Variants in OLA1 observed in about 807,000 individuals in gnomAD.
OLA1 encodes the protein obg-like ATPase 1.
In OLA1, 14 loss-of-function variants were observed where a neutral mutation model predicts 48.4. The observed-to-expected ratio is 0.29, with a 90% confidence interval of 0.19 to 0.45. OLA1 has a LOEUF of 0.45. Among genes scored for constraint, OLA1 ranks in the 20% least tolerant of loss-of-function variants. OLA1 has a pLI of 1.00. For synonymous variants in OLA1, 127 were observed against 150.4 expected (o/e 0.84, Z 1.14); for missense variants, 325 against 467.1 (o/e 0.70, Z 2.80).
At chr2:174,188,640 A>G (rs1687709484) in intron 4 of OLA1, among the ~76,000 whole-genome samples, 1 of 152,192 alleles carries the variant, frequency 6.6e-6, no homozygotes, top group Admixed American at 6.5e-5. Context: ...TTAAATTCAG[A>G]GTCAGGAAGG....
At chr2:174,198,346 G>A (rs1687924032) in intron 4 of OLA1, among the ~76,000 whole-genome samples, 1 of 152,200 alleles carries the variant, frequency 6.6e-6, no homozygotes, top group African/African-American at 2.4e-5. Context: ...GCACTTGTAG[G>A]AACTGAAGAA....
intron 1 of OLA1, 35 bp from the exon 2 acceptor site, chr2:174,246,850 T>C (rs759582875): frequency 1.5e-6 from 2 of 1,338,176 alleles, no homozygotes; most frequent in East Asian, 4.6e-5. Context: ...AACAAAACTT[T>C]TTACTATCCA....
chr2:174,135,689 C>T (rs367776830), intron 5 of OLA1, among the ~76,000 whole-genome samples: 17 of 152,198 alleles, frequency 1.1e-4, no homozygotes, highest in East Asian at 5.8e-4. Context: ...ATTAGTATCA[C>T]GTTCTTTTAG....
chr2:174,099,480 A>G (rs1026822686), intron 7 of OLA1, among the ~76,000 whole-genome samples: 10 of 152,186 alleles, frequency 6.6e-5, no homozygotes, highest in African/African-American at 2.4e-4. Flanking sequence ...CTAAATCAAT[A>G]CCACTCTAAG....
At chr2:174,129,342 C>A (rs1686122270) in intron 5 of OLA1, among the ~76,000 whole-genome samples, 1 of 151,894 alleles carries the variant, frequency 6.6e-6, no homozygotes, top group South Asian at 2.1e-4. Context: ...CCTGTAGTCC[C>A]AGCTACTCGG....
At chr2:174,218,135 G>A (rs571300022) in intron 4 of OLA1, among the ~76,000 whole-genome samples, 8 of 152,136 alleles carry the variant, frequency 5.3e-5, no homozygotes, top group African/African-American at 1.4e-4. Flanking sequence ...TCAGCCTTCT[G>A]AGTAGCTAGG....
Position 174,125,828 on chromosome 2 carries a change from A to G in OLA1, c.550-2153T>C, listed in dbSNP as rs145388551. Among the ~76,000 whole-genome samples, 869 of 152,340 alleles carry G rather than the reference A, an allele frequency of 5.7e-3. 6 individuals are homozygous for G. Among genetic ancestry groups the G allele is most frequent in the Non-Finnish European group, 9.8e-3 (664 of 68,024 alleles). ...TTTAATTAAATAGAATTCACTTATA[A>G]TCAAAGTTCTTGAACAGCACAGTAT... On this transcript the variant is annotated intron_variant, in intron 5 of 10. Coordinates refer to ENST00000284719, the MANE Select transcript of OLA1 (RefSeq NM_013341.5).
intron 2 of OLA1, among the ~76,000 whole-genome samples, chr2:174,242,832 C>A (rs1689036205): frequency 6.6e-6 from 1 of 152,142 alleles, no homozygotes; most frequent in Admixed American, 6.5e-5. Flanking sequence ...CCAACAGGAG[C>A]TCATTTATAA....
At chr2:174,243,012 T>C (rs1214168241) in intron 2 of OLA1, among the ~76,000 whole-genome samples, 1 of 151,926 alleles carries the variant, frequency 6.6e-6, no homozygotes, top group Non-Finnish European at 1.5e-5. Flanking sequence ...TTTGTGTTTT[T>C]GTTGTTTTTT....
chr2:174,203,342 T>C (rs901608901), intron 4 of OLA1, among the ~76,000 whole-genome samples: 1 of 152,198 alleles, frequency 6.6e-6, no homozygotes, highest in African/African-American at 2.4e-5. Flanking sequence ...CTGATCTTTA[T>C]TTACATCAAA....
At chr2:174,191,649 T>A (rs1204230431) in intron 4 of OLA1, among the ~76,000 whole-genome samples, 1 of 152,020 alleles carries the variant, frequency 6.6e-6, no homozygotes, top group East Asian at 1.9e-4. Context: ...TTTGTGTAGA[T>A]ATGGGGTCTC....
intron 4 of OLA1, among the ~76,000 whole-genome samples, chr2:174,197,099 G>A (rs1451896696): frequency 6.6e-6 from 1 of 152,088 alleles, no homozygotes; most frequent in Non-Finnish European, 1.5e-5. Flanking sequence ...TCAGACCATG[G>A]AGAAGACCTT....
chr2:174,206,397 A>T (rs940266082), intron 4 of OLA1, among the ~76,000 whole-genome samples: 2 of 152,042 alleles, frequency 1.3e-5, no homozygotes, highest in Non-Finnish European at 2.9e-5. Context: ...ACAAAAAAAA[A>T]CTGATCATTA....
At chr2:174,132,287 A>C (rs1022853195) in intron 5 of OLA1, among the ~76,000 whole-genome samples, 1 of 151,976 alleles carries the variant, frequency 6.6e-6, no homozygotes, top group East Asian at 1.9e-4. Context: ...AGTGTTTTCA[A>C]ACGACGAACT....
intron 7 of OLA1, among the ~76,000 whole-genome samples, chr2:174,098,262 G>A (rs906463524): frequency 2.0e-5 from 3 of 152,134 alleles, no homozygotes; most frequent in Non-Finnish European, 2.9e-5. Context: ...CGAGCAGTAC[G>A]CATGCAACCT....
chr2:174,141,568 T>C (rs1487464338), intron 5 of OLA1, among the ~76,000 whole-genome samples: 1 of 152,168 alleles, frequency 6.6e-6, no homozygotes, highest in Non-Finnish European at 1.5e-5. Flanking sequence ...CACTAAAACT[T>C]GAAGGCCTAC....
intron 4 of OLA1, among the ~76,000 whole-genome samples, chr2:174,171,068 T>G (rs771934788): frequency 6.6e-6 from 1 of 152,176 alleles, no homozygotes; most frequent in African/African-American, 2.4e-5. Flanking sequence ...AGGCATAATA[T>G]TCACATAAGG....
chr2:174,178,059 C>T (rs1327201938), intron 4 of OLA1, among the ~76,000 whole-genome samples: 1 of 151,830 alleles, frequency 6.6e-6, no homozygotes, highest in Non-Finnish European at 1.5e-5. Context: ...TGAATTAAAC[C>T]ACATAAAAAA....
At chr2:174,168,348 G>C (rs187844439) in intron 4 of OLA1, among the ~76,000 whole-genome samples, 1 of 151,766 alleles carries the variant, frequency 6.6e-6, no homozygotes, top group African/African-American at 2.4e-5. Context: ...CTAAGAAATC[G>C]AGGTTGCAGT....
Sources: gnomAD v4.1 joint callset for allele counts (sites outside exome capture counted in the v4.1 genomes callset) on GRCh38, gnomAD v4.1.1 for gene constraint, MANE v1.5 for transcripts, NCBI Gene and HGNC (gene_info 2026-07-23, HGNC 2026-07-21) for gene names.